RBFOX1: variants seen among roughly 807,000 people sequenced by gnomAD.
RBFOX1 encodes RNA binding protein fox-1 homolog 1.
RBFOX1 carries 8 observed loss-of-function variants against 57.7 expected under a neutral mutation model. The observed-to-expected ratio is 0.14, with a 90% CI of 0.08 to 0.25. The LOEUF (loss-of-function observed/expected upper bound fraction) is 0.25, where lower values mean the gene tolerates loss of function less well. RBFOX1 is among the 10% of genes least tolerant of loss of function. RBFOX1 has a pLI of 1.00. For synonymous variants in RBFOX1, 326 were observed against 222.4 expected (o/e 1.47, Z -4.15); for missense variants, 611 against 548.5 (o/e 1.11, Z -1.14).
intron 4 of RBFOX1, among the ~76,000 whole-genome samples, chr16:6,010,089 C>T (rs1019813591): frequency 6.6e-6 from 1 of 152,118 alleles, no homozygotes; most frequent in Non-Finnish European, 1.5e-5. Flanking sequence ...TTCTTTCTTC[C>T]TGGGGACATT....
intron 4 of RBFOX1, among the ~76,000 whole-genome samples, chr16:7,444,656 C>A (rs1398997886): frequency 2.6e-5 from 4 of 151,950 alleles, no homozygotes; most frequent in Admixed American, 2.0e-4. Flanking sequence ...CCTTTGTCTC[C>A]CAAGTAGCTG....
intron 2 of RBFOX1, among the ~76,000 whole-genome samples, chr16:6,631,857 T>G (rs1387816844): frequency 1.3e-5 from 2 of 151,828 alleles, no homozygotes. Flanking sequence ...GGCCACAAAC[T>G]TAATGCATTT....
intron 2 of RBFOX1, among the ~76,000 whole-genome samples, chr16:6,524,493 T>C (rs543342745): frequency 6.6e-6 from 1 of 152,260 alleles, no homozygotes; most frequent in African/African-American, 2.4e-5. Flanking sequence ...CCATGTTACC[T>C]CGTTAGACAT....
At chr16:5,388,844 TG>T (rs1374322116) in intron 1 of RBFOX1, among the ~76,000 whole-genome samples, 1 of 151,544 alleles carries the variant, frequency 6.6e-6, no homozygotes, top group Non-Finnish European at 1.5e-5. Flanking sequence ...CCCAAAGTGC[TG>T]GGATTACAGG....
chr16:6,798,537 A>T (rs988020256), intron 3 of RBFOX1, among the ~76,000 whole-genome samples: 4 of 151,990 alleles, frequency 2.6e-5, no homozygotes, highest in Admixed American at 1.3e-4. Flanking sequence ...CCCAGATAAC[A>T]CCCCCAATTC....
chr16:6,658,040 C>G (rs986277773), intron 3 of RBFOX1, among the ~76,000 whole-genome samples: 1 of 151,858 alleles, frequency 6.6e-6, no homozygotes, highest in Admixed American at 6.6e-5. Context: ...TGAATATCTT[C>G]TTGATAGAAG....
chr16:5,719,668 G>A (rs1249467300), intron 3 of RBFOX1, among the ~76,000 whole-genome samples: 1 of 152,070 alleles, frequency 6.6e-6, no homozygotes, highest in African/African-American at 2.4e-5. Flanking sequence ...ACCGTAGGTG[G>A]CCTCTTGTGC....
intron 2 of RBFOX1, among the ~76,000 whole-genome samples, chr16:6,652,889 G>T (rs992009847): frequency 6.6e-6 from 1 of 152,168 alleles, no homozygotes; most frequent in Non-Finnish European, 1.5e-5. Context: ...ACCTACCATG[G>T]TAAAATTGTT....
At chr16:5,652,680 G>C (rs533047310) in intron 3 of RBFOX1, among the ~76,000 whole-genome samples, 16 of 152,224 alleles carry the variant, frequency 1.1e-4, no homozygotes, top group African/African-American at 3.9e-4. Flanking sequence ...CAGGAACCCA[G>C]CTACATAAAG....
intron 3 of RBFOX1, among the ~76,000 whole-genome samples, chr16:6,920,616 A>T (rs141096586): frequency 1.2e-4 from 19 of 152,238 alleles, no homozygotes; most frequent in Admixed American, 5.2e-4. Flanking sequence ...AGATGTGGAG[A>T]TATTAGCTCC....
chr16:6,811,383 G>T (rs1051069099), intron 3 of RBFOX1, among the ~76,000 whole-genome samples: 1 of 152,184 alleles, frequency 6.6e-6, no homozygotes, highest in East Asian at 1.9e-4. Flanking sequence ...AATGTGATTA[G>T]CTTTTAGCTA....
chr16:6,227,384 A>T (rs2152894827), intron 1 of RBFOX1, among the ~76,000 whole-genome samples: 1 of 152,162 alleles, frequency 6.6e-6, no homozygotes, highest in South Asian at 2.1e-4. Flanking sequence ...TTCTCTTGTG[A>T]CCATTCTCCA....
Position 7,535,435 on chromosome 16 carries a change from C to G in RBFOX1, c.270+17046C>G, listed in dbSNP as rs1232084875. Among the ~76,000 whole-genome samples, 4 of 152,194 alleles carry G rather than the reference C, an allele frequency of 2.6e-5. No homozygotes were observed. The East Asian group carries it at 7.7e-4, about 29-fold the overall frequency. ...CGCTGGACATTGCGACTCAGAGATG[C>G]AAACAGTGTTTGATACCTCAGCATA... On this transcript the variant is annotated intron_variant, in intron 5 of 15. Transcript: ENST00000550418.
intron 1 of RBFOX1, among the ~76,000 whole-genome samples, chr16:5,355,307 G>T (rs1389656291): frequency 1.3e-5 from 2 of 152,214 alleles, no homozygotes; most frequent in African/African-American, 4.8e-5. Context: ...CGCAGGTGTG[G>T]CAGGACGCAG....
At chr16:5,658,748 A>G (rs960086897) in intron 3 of RBFOX1, among the ~76,000 whole-genome samples, 9 of 147,110 alleles carry the variant, frequency 6.1e-5, no homozygotes, top group African/African-American at 2.0e-4. Flanking sequence ...AAATGTGTAT[A>G]TATATATATA....
chr16:7,215,641 G>C (rs1374230634), intron 4 of RBFOX1, among the ~76,000 whole-genome samples: 1 of 151,818 alleles, frequency 6.6e-6, no homozygotes, highest in Non-Finnish European at 1.5e-5. Context: ...AGATCCTCGG[G>C]CAGATTAGCA....
intron 3 of RBFOX1, among the ~76,000 whole-genome samples, chr16:5,645,672 AT>A (rs1386741783): frequency 2.6e-5 from 4 of 152,070 alleles, no homozygotes; most frequent in Non-Finnish European, 4.4e-5. Flanking sequence ...TTACATACGT[AT>A]TTTTTGTTCA....
chr16:6,881,204 G>A (rs1011909544), intron 3 of RBFOX1, among the ~76,000 whole-genome samples: 2 of 152,184 alleles, frequency 1.3e-5, no homozygotes, highest in South Asian at 2.1e-4. Flanking sequence ...CACAGGCAAG[G>A]AGAATAGCCA....
At chr16:6,425,733 G>A (rs911080317) in intron 2 of RBFOX1, among the ~76,000 whole-genome samples, 17 of 152,202 alleles carry the variant, frequency 1.1e-4, no homozygotes, top group Admixed American at 6.5e-4. Flanking sequence ...ACACACGAAC[G>A]TTTTGATAGA....
Sources: allele counts gnomAD v4.1 joint callset (sites outside exome capture counted in the v4.1 genomes callset), GRCh38; gene constraint gnomAD v4.1.1; transcripts MANE v1.5; gene names NCBI Gene and HGNC (gene_info 2026-07-23, HGNC 2026-07-21).